Variants in CUX2 observed in about 807,000 individuals in gnomAD.
CUX2 encodes the protein cut like homeobox 2, also known as homeobox protein cut-like 2.
Under a neutral mutation model 144.8 loss-of-function variants are expected in CUX2, and 40 were observed. The ratio of observed to expected loss-of-function variants is 0.28; its 90% CI spans 0.21 to 0.36. The LOEUF is 0.36. CUX2 is among the 10% of genes least tolerant of loss of function. The pLI is 1.00. For synonymous variants in CUX2, 827 were observed against 875.6 expected (o/e 0.94, Z 0.98); for missense variants, 1,615 against 1,994.0 (o/e 0.81, Z 3.62).
rs998014393 is a variant in CUX2 at position 111,186,637 on chromosome 12, C to T, written c.64-27563C>T. ...GGGTCCCTGGGCTCGCCTTCAGCGCCGCCATCTGCCAGCTGTGTGACCTTG... is the reference window on the plus strand; with the variant it reads ...GGGTCCCTGGGCTCGCCTTCAGCGCTGCCATCTGCCAGCTGTGTGACCTTG... On this transcript the variant is annotated intron_variant, in intron 1 of 21. Transcript: ENST00000261726. This position sits in a 1 kb window ranked among gnomAD's most constrained non-coding sequence, Gnocchi z 4.4. 3.3e-5 allele frequency among the ~76,000 whole-genome samples: 5 copies of T among 152,192 alleles called. No homozygotes were observed. Among genetic ancestry groups the T allele is most frequent in the African/African-American group, 4.8e-5 (2 of 41,442 alleles).
chr12:111,069,546 G>A (rs1311123911), intron 1 of CUX2, among the ~76,000 whole-genome samples: 13 of 151,570 alleles, frequency 8.6e-5, no homozygotes, highest in Admixed American at 8.5e-4. Context: ...GTGTGTGTGT[G>A]TGTGTGCGCG....
In CUX2 at chr12:111,034,334, C is replaced by T. The variant is rs976844456; in HGVS notation, c.63+94C>T. The T allele has an allele frequency of 1.8e-4, 125 of 704,404 alleles. No individual in the cohort carries two copies. The highest frequency in any genetic ancestry group is 1.4e-3 in the Middle Eastern group (2 of 1,398). 43.6% of individuals were successfully genotyped at this position (704,404 alleles called of 1,614,324 possible). On this transcript the variant is annotated intron_variant, in intron 1 of 21. Transcript: ENST00000261726. The surrounding 1 kb of genome is among the most constrained non-coding windows in gnomAD (Gnocchi z 4.2). ...GGTCCCCGGGCGGGCAGGCGGACGC[C>T]CTGGGGCGGCGGGCGGCGGCTGCCG...
intron 1 of CUX2, among the ~76,000 whole-genome samples, chr12:111,139,869 G>T (rs1219564570): frequency 1.3e-5 from 2 of 152,198 alleles, no homozygotes; most frequent in East Asian, 3.8e-4. Context: ...TACAGGTCCA[G>T]ATGTTAAAAT....
At chr12:111,288,138 T>C (rs1885490156) in intron 4 of CUX2, among the ~76,000 whole-genome samples, 1 of 152,070 alleles carries the variant, frequency 6.6e-6, no homozygotes. Flanking sequence ...TGAGTTGTAC[T>C]ATGGAAGGCA....
chr12:111,295,638 C>G lies in CUX2; in HGVS notation c.637+229C>G, dbSNP rs556942259. Among the ~76,000 whole-genome samples the G allele has an allele frequency of 9.2e-5, 14 of 152,188 alleles. No individual in the cohort carries two copies. Among genetic ancestry groups the G allele is most frequent in the African/African-American group, 3.4e-4 (14 of 41,534 alleles). ...GAGACAGAATTAATTCAGGTGATGGCCAGGCGTGGTGGCTCACATGTGTAA... is the reference window on the plus strand; with the variant it reads ...GAGACAGAATTAATTCAGGTGATGGGCAGGCGTGGTGGCTCACATGTGTAA... On this transcript the variant is annotated intron_variant, in intron 7 of 21. Transcript: ENST00000261726. This position sits in a 1 kb window ranked among gnomAD's most constrained non-coding sequence, Gnocchi z 5.0.
At chr12:111,296,430 C>T in intron 7 of CUX2, 43 bp from the exon 8 acceptor site, 1 of 1,560,720 alleles carries the variant, frequency 6.4e-7, no homozygotes. Flanking sequence ...CAGCTCCTTC[C>T]CACTCGGAGG....
chr12:111,309,539 C>T (rs1171284487), intron 14 of CUX2, among the ~76,000 whole-genome samples: 1 of 152,064 alleles, frequency 6.6e-6, no homozygotes, highest in Non-Finnish European at 1.5e-5. Context: ...CCAAGGTCGG[C>T]GCTTCCAGCT....
intron 1 of CUX2, among the ~76,000 whole-genome samples, chr12:111,176,949 A>G (rs1164109925): frequency 6.6e-6 from 1 of 152,228 alleles, no homozygotes; most frequent in Admixed American, 6.5e-5. Context: ...GTGCCTTGTA[A>G]GATGTTTAGC....
At chr12:111,073,796 T>C (rs1355447212) in intron 1 of CUX2, among the ~76,000 whole-genome samples, 1 of 151,904 alleles carries the variant, frequency 6.6e-6, no homozygotes, top group East Asian at 1.9e-4. Flanking sequence ...CCTGTCTCTA[T>C]GAGAAAATTT....
At chr12:111,279,976 G>A (rs1030230129) in intron 4 of CUX2, among the ~76,000 whole-genome samples, 3 of 148,838 alleles carry the variant, frequency 2.0e-5, no homozygotes, top group Non-Finnish European at 3.0e-5. Context: ...GCGAGACTCC[G>A]TCTCAAAAAT....
At chr12:111,177,879 G>A (rs762531924) in intron 1 of CUX2, among the ~76,000 whole-genome samples, 1 of 152,178 alleles carries the variant, frequency 6.6e-6, no homozygotes, top group Non-Finnish European at 1.5e-5. Context: ...TCTATAATGG[G>A]AATAAAAATA....
intron 1 of CUX2, among the ~76,000 whole-genome samples, 163 bp from the exon 2 acceptor site, chr12:111,214,037 T>G (rs747882624): frequency 1.2e-4 from 18 of 152,082 alleles, no homozygotes; most frequent in Non-Finnish European, 1.2e-4. Flanking sequence ...GTTTTGTAAA[T>G]TATTTATTTG....
rs371792382 is a variant in CUX2, at chr12:111,348,027, G to A, written c.4163G>A (p.Arg1388His). 35 of 1,613,830 alleles carry A rather than the reference G, an allele frequency of 2.2e-5. No homozygotes were observed. The highest frequency in any genetic ancestry group is 2.5e-5 in the Non-Finnish European group (29 of 1,180,012). The stretch of plus-strand genomic sequence containing the variant: ...TTTAAGTCAGCCTCAGAGTCCTCAC[G>A]CTGCAGCCTGGAGGTGTCACTGAAC... ...LSFKSASESS[R>H]CSLEVSLNSP... The change falls in exon 22 of 22, where the codon CGC becomes CAC. Residue 1388 changes from arginine (R) to histidine (H), a missense_variant. This residue lies in a region of CUX2 where 298 missense variants were observed against 330.4 expected (regional missense o/e 0.90). Coordinates refer to ENST00000261726, the MANE Select transcript of CUX2 (RefSeq NM_015267.4).
At chr12:111,097,261 C>T (rs1872875675) in intron 1 of CUX2, among the ~76,000 whole-genome samples, 1 of 152,142 alleles carries the variant, frequency 6.6e-6, no homozygotes, top group Non-Finnish European at 1.5e-5. Flanking sequence ...GGAGTGAAAA[C>T]CCATGTTGTT....
At chr12:111,228,198 A>C (rs953981981) in intron 3 of CUX2, among the ~76,000 whole-genome samples, 1 of 152,192 alleles carries the variant, frequency 6.6e-6, no homozygotes, top group African/African-American at 2.4e-5. Flanking sequence ...CACAGGAGTT[A>C]CCTCAAAGAT....
intron 1 of CUX2, among the ~76,000 whole-genome samples, chr12:111,212,499 C>T (rs1469754818): frequency 1.3e-5 from 2 of 152,178 alleles, no homozygotes; most frequent in Non-Finnish European, 2.9e-5. Flanking sequence ...AGCAGTCCTC[C>T]CACCTCAGCC....
chr12:111,175,821 T>TTGC (rs1878819033), intron 1 of CUX2, among the ~76,000 whole-genome samples: 1 of 151,632 alleles, frequency 6.6e-6, no homozygotes, highest in Admixed American at 6.6e-5. Context: ...AAAAAAAAAG[T>TTGC]AAGCGGGGAT....
chr12:111,136,738 A>G (rs747885075), intron 1 of CUX2, among the ~76,000 whole-genome samples: 14 of 152,184 alleles, frequency 9.2e-5, no homozygotes, highest in South Asian at 2.1e-4. Context: ...GTGGCCAGCC[A>G]AGGTTTGGAT....
At chr12:111,084,663 G>A (rs1872094112) in intron 1 of CUX2, among the ~76,000 whole-genome samples, 1 of 152,180 alleles carries the variant, frequency 6.6e-6, no homozygotes, top group African/African-American at 2.4e-5. Context: ...ACCTGTGAAC[G>A]TTTTAAGGAC....
Sources: gnomAD v4.1 joint callset for allele counts (sites outside exome capture counted in the v4.1 genomes callset) on GRCh38, gnomAD v4.1.1 for gene constraint, gnomAD v4.1.1 regional missense constraint, Gnocchi (gnomAD v3.1) non-coding constraint, MANE v1.5 for transcripts, NCBI Gene and HGNC (gene_info 2026-07-23, HGNC 2026-07-21) for gene names.